The following CES5A variants were observed in gnomAD, a reference collection of about 807,000 sequenced individuals.
The protein encoded by CES5A is carboxylesterase 5A, also known as carboxylesterase 5.
Under a neutral mutation model 62.9 loss-of-function variants are expected in CES5A, and 67 were observed. The ratio of observed to expected loss-of-function variants is 1.07; its 90% CI spans 0.88 to 1.31. The LOEUF is 1.31. Ranked by LOEUF, CES5A falls within the 50% of genes most tolerant of loss-of-function variation. CES5A has a pLI of 0.00. For synonymous variants in CES5A, 296 were observed against 280.8 expected, an observed-to-expected ratio of 1.05 and a Z score of -0.54; for missense variants, 748 against 708.5, an observed-to-expected ratio of 1.06 and a Z score of -0.63.
chr16:55,936,548 T>C (rs2034377809), intron 2 of CES5A, among the ~76,000 whole-genome samples: 1 of 152,336 alleles, frequency 6.6e-6, no homozygotes, highest in African/African-American at 2.4e-5. Context: ...GGCCACTAAG[T>C]CTGAGGGCCA....
At chr16:55,943,082 T>C (rs928381451) in intron 2 of CES5A, among the ~76,000 whole-genome samples, 7 of 152,220 alleles carry the variant, frequency 4.6e-5, no homozygotes, top group Non-Finnish European at 8.8e-5. Flanking sequence ...TTTTGGATAA[T>C]GGTTTCACAG....
intron 2 of CES5A, among the ~76,000 whole-genome samples, chr16:55,946,622 G>C (rs1487201008): frequency 6.6e-6 from 1 of 152,242 alleles, no homozygotes; most frequent in Admixed American, 6.5e-5. Context: ...TTTTCTGGAA[G>C]AGTGTGTACC....
intron 2 of CES5A, among the ~76,000 whole-genome samples, chr16:55,934,484 C>T (rs1441500340): frequency 1.3e-5 from 2 of 152,150 alleles, no homozygotes; most frequent in East Asian, 1.9e-4. Flanking sequence ...AGAAATGTTT[C>T]CCACTGCATG....
At chr16:55,866,652 C>T (rs2142404355) in intron 4 of CES5A, among the ~76,000 whole-genome samples, 1 of 99,750 alleles carries the variant, frequency 1.0e-5, no homozygotes, top group South Asian at 3.0e-4. Flanking sequence ...GAAACTCTGT[C>T]TCTGCTAAAA....
chr16:55,923,061 C>A (rs2034224415), intron 1 of CES5A, among the ~76,000 whole-genome samples: 1 of 151,104 alleles, frequency 6.6e-6, no homozygotes, highest in Non-Finnish European at 1.5e-5. Flanking sequence ...GAGTTTATAG[C>A]AGTAAACACT....
At chr16:55,900,406 AG>A (rs1327814491) in intron 1 of CES5A, among the ~76,000 whole-genome samples, 2 of 152,212 alleles carry the variant, frequency 1.3e-5, no homozygotes, top group African/African-American at 4.8e-5. Context: ...GAGGCATGTG[AG>A]GAGTACATTG....
intron 8 of CES5A, among the ~76,000 whole-genome samples, chr16:55,858,192 T>A (rs7498645): frequency 3.9e-4 from 59 of 151,794 alleles, no homozygotes; most frequent in African/African-American, 1.4e-3. Flanking sequence ...AGAGAGACTC[T>A]GACTCAAAAA....
chr16:55,931,473 A>T (rs2034311133), intron 2 of CES5A, among the ~76,000 whole-genome samples: 1 of 152,152 alleles, frequency 6.6e-6, no homozygotes, highest in South Asian at 2.1e-4. Flanking sequence ...TTAGCCTGAC[A>T]TGTCAGGCCT....
chr16:55,872,054 C>T (rs2033600957), intron 2 of CES5A, among the ~76,000 whole-genome samples: 1 of 152,208 alleles, frequency 6.6e-6, no homozygotes, highest in Non-Finnish European at 1.5e-5. Flanking sequence ...TCCTATGCCA[C>T]CACCATAATA....
Position 55,947,303 on chromosome 16 carries a change from C to T in CES5A, c.160+2482G>A, listed in dbSNP as rs7193694. Among the ~76,000 whole-genome samples the T allele has an allele frequency of 6.2e-3, 943 of 152,000 alleles. 35 individuals carry two copies. The highest frequency in any genetic ancestry group is 0.059 in the Admixed American group (894 of 15,280). On this transcript the variant is annotated intron_variant, in intron 2 of 13. Transcript: ENST00000521992. ...CCCTCAGCTTCCTGATAGCCTGATA[C>T]GAAAAGGGGCTTATGGAAGGTCATT...
At chr16:55,866,162 G>A in intron 4 of CES5A, 46 bp from the exon 5 acceptor site, 1 of 1,572,614 alleles carries the variant, frequency 6.4e-7, no homozygotes, top group Non-Finnish European at 8.6e-7. Context: ...GCCATGGTGT[G>A]TTTCCCACAG....
At chr16:55,884,732 C>T (rs887079714) in intron 1 of CES5A, among the ~76,000 whole-genome samples, 6 of 152,146 alleles carry the variant, frequency 3.9e-5, no homozygotes, top group African/African-American at 1.4e-4. Context: ...GCTTTGACTA[C>T]AGGCATGTGC....
At chr16:55,855,088 G>T (rs143672491) in intron 9 of CES5A, among the ~76,000 whole-genome samples, 58 of 152,254 alleles carry the variant, frequency 3.8e-4, no homozygotes, top group African/African-American at 1.3e-3. Context: ...CAAGAGAGCT[G>T]CCTGTCCCCT....
chr16:55,910,472 C>T (rs1597146080), intron 1 of CES5A, among the ~76,000 whole-genome samples: 1 of 152,308 alleles, frequency 6.6e-6, no homozygotes, highest in Middle Eastern at 3.4e-3. Flanking sequence ...CCACTTGCTC[C>T]CTGAGCCCCA....
At chr16:55,894,357 A>G (rs1035445494) in intron 1 of CES5A, among the ~76,000 whole-genome samples, 5 of 151,896 alleles carry the variant, frequency 3.3e-5, no homozygotes, top group Non-Finnish European at 7.4e-5. Flanking sequence ...AAGTACAAAA[A>G]ATCAGCCAGG....
At chr16:55,875,419 C>A, upstream of CES5A, 3 of 1,293,126 alleles carry the variant, frequency 2.3e-6, no homozygotes, top group Non-Finnish European at 3.0e-6. Context: ...TTCTGATTTA[C>A]ATAAGAAGCT....
chr16:55,909,255 T>A (rs1016209845), intron 1 of CES5A, among the ~76,000 whole-genome samples: 1 of 152,152 alleles, frequency 6.6e-6, no homozygotes, highest in Non-Finnish European at 1.5e-5. Flanking sequence ...CCTCAATTCA[T>A]TGTTGAGGAA....
At chr16:55,876,557 A>C (rs1390922226), upstream of CES5A, among the ~76,000 whole-genome samples, 2 of 152,180 alleles carry the variant, frequency 1.3e-5, no homozygotes, top group Non-Finnish European at 1.5e-5. Flanking sequence ...TCCCCCTCTT[A>C]GACATAGGTC....
intron 5 of CES5A, among the ~76,000 whole-genome samples, chr16:55,863,842 C>T (rs1297334383): frequency 2.0e-5 from 3 of 151,670 alleles, no homozygotes; most frequent in East Asian, 1.9e-4. Flanking sequence ...CTGCAACCTC[C>T]GACTCCCAGG....
Sources: gnomAD v4.1 joint callset for allele counts (sites outside exome capture counted in the v4.1 genomes callset) on GRCh38, gnomAD v4.1.1 for gene constraint, MANE v1.5 for transcripts, NCBI Gene and HGNC (gene_info 2026-07-23, HGNC 2026-07-21) for gene names.